Variants in UBXN6 observed in about 807,000 individuals in gnomAD.
UBXN6 encodes UBX domain-containing protein 6.
Under a neutral mutation model 51.4 loss-of-function variants are expected in UBXN6, and 44 were observed. The observed-to-expected ratio is 0.86, with a 90% CI of 0.67 to 1.10. UBXN6 has a LOEUF of 1.10. Among genes scored for constraint, UBXN6 ranks in the 50% least tolerant of loss-of-function variants. UBXN6 has a pLI of 0.00. For synonymous variants in UBXN6, 316 were observed against 263.2 expected, an observed-to-expected ratio of 1.20 and a Z score of -1.94; for missense variants, 672 against 596.1, an observed-to-expected ratio of 1.13 and a Z score of -1.32.
Position 4,447,257 on chromosome 19 carries a change from C to A in UBXN6, c.615+293G>T. 5.3e-6 allele frequency: 3 copies of A among 570,846 alleles called. No homozygotes were observed. In the South Asian group the frequency reaches 6.3e-5, roughly 12 times the overall value. The allele number at this position is 570,846 out of a possible 1,614,324, so 35.4% of individuals were successfully genotyped here. ...CCAGAAGAACCAGACATCTGGTTTG[C>A]ATGAGAAACCTCCCCAGAGTCGACA... On this transcript the variant is annotated intron_variant, in intron 6 of 10. Transcript: ENST00000301281.
At position 4,457,690 on chromosome 19, in the gene UBXN6, T is replaced by C. The variant is rs1395789764; in HGVS notation, c.8A>G (p.Lys3Arg). Residue 3 changes from lysine to arginine, a missense_variant, in exon 1 of 11, where the codon AAA becomes AGA. Lys to Arg is a conservative substitution (Grantham distance 26). Transcript: ENST00000301281. ...GTCGGCCTTGAACTCCTGAAAGAATTTCTTCATGGTGGCGGCTGGCCCGGC... is the reference window on the plus strand; with the variant it reads ...GTCGGCCTTGAACTCCTGAAAGAATCTCTTCATGGTGGCGGCTGGCCCGGC... Reference protein sequence around the residue: MKKFFQEFKADIK... With the variant: MKRFFQEFKADIK... 1 of 1,584,680 alleles carries C rather than the reference T, an allele frequency of 6.3e-7. No individual in the cohort carries two copies. The highest frequency in any genetic ancestry group is 1.1e-5 in the South Asian group (1 of 88,624).
At chr19:4,455,865 A>G (rs12459922) in intron 1 of UBXN6, among the ~76,000 whole-genome samples, 32,106 of 151,870 alleles carry the variant, frequency 0.21, 3,750 homozygotes, top group Admixed American at 0.28. Context: ...AAACCACCTG[A>G]CGGCCCCTGC....
chr19:4,447,812 G>A, intron 5 of UBXN6, 187 bp from the exon 6 acceptor site: 1 of 616,184 alleles, frequency 1.6e-6, no homozygotes, highest in Non-Finnish European at 2.9e-6. Flanking sequence ...ACCCCATGGA[G>A]CCCACCCCTG....
At chr19:4,455,072 AC>A in intron 1 of UBXN6, 1 of 327,488 alleles carries the variant, frequency 3.1e-6, no homozygotes, top group Non-Finnish European at 4.4e-6. Context: ...TCGTGGCTCC[AC>A]CCTGTTGAGC....
intron 5 of UBXN6, 36 bp downstream of exon 5, chr19:4,448,282 G>C (rs202166922): frequency 1.3e-6 from 2 of 1,553,422 alleles, no homozygotes; most frequent in East Asian, 2.4e-5. Flanking sequence ...GGATGAGCTG[G>C]AGGGGCCAGG....
Position 4,454,056 on chromosome 19 carries a change from G to T in UBXN6, c.121C>A (p.Pro41Thr). 1 of 1,579,862 alleles carries T rather than the reference G, an allele frequency of 6.3e-7. No homozygotes were observed. ...GTGGGTCCCTGGCGGGGCGGCCTGGGGGCTGGCTGGTTGGGCTTCTCTTTG... is the reference window on the plus strand; with the variant it reads ...GTGGGTCCCTGGCGGGGCGGCCTGGTGGCTGGCTGGTTGGGCTTCTCTTTG... ...AHKEKPNQPA[P>T]RPPRQGPTNE... Residue 41 changes from proline (P) to threonine (T), a missense_variant, in exon 2 of 11, where the codon CCC (proline) becomes ACC (threonine). Physicochemically the swap from Pro to Thr is conservative, Grantham distance 38. Transcript: ENST00000301281.
intron 4 of UBXN6, among the ~76,000 whole-genome samples, chr19:4,451,975 C>A (rs942070639): frequency 1.3e-5 from 2 of 150,982 alleles, no homozygotes; most frequent in Admixed American, 1.3e-4. Context: ...ATGGTGAAAC[C>A]CCATCTCTAC....
At chr19:4,451,884 T>C (rs555011583) in intron 4 of UBXN6, among the ~76,000 whole-genome samples, 1 of 152,220 alleles carries the variant, frequency 6.6e-6, no homozygotes, top group Admixed American at 6.5e-5. Context: ...GCGTGGTGGC[T>C]CACGTCTGTA....
At chr19:4,455,056 A>G in intron 1 of UBXN6, 1 of 248,172 alleles carries the variant, frequency 4.0e-6, no homozygotes, top group Non-Finnish European at 6.4e-6. Flanking sequence ...CGAAGAGCTC[A>G]TGGACTCGTG....
Position 4,445,629 on chromosome 19 carries a change from G to GT in UBXN6, c.1201-7dup. 1 of 1,612,202 alleles carries GT rather than the reference G, an allele frequency of 6.2e-7. No individual in the cohort carries two copies. The highest frequency in any genetic ancestry group is 8.5e-7 in the Non-Finnish European group (1 of 1,179,762). On this transcript the variant is annotated splice_region_variant and splice_polypyrimidine_tract_variant and intron_variant, in intron 10 of 10. Coordinates refer to ENST00000301281, the MANE Select transcript of UBXN6 (RefSeq NM_025241.3). ...GTCAGGAGGGCAGAGGGCACCTGCGGTAGGGGTAGGCCGTCACTCTGAGAC... is the reference window on the plus strand; with the variant it reads ...GTCAGGAGGGCAGAGGGCACCTGCGGTTAGGGGTAGGCCGTCACTCTGAGAC...
At chr19:4,448,035 G>A (rs1974574864) in intron 5 of UBXN6, 2 of 539,220 alleles carry the variant, frequency 3.7e-6, no homozygotes, top group South Asian at 4.3e-5. Context: ...GACCCGGGGA[G>A]TGGGGTGGGA....
intron 9 of UBXN6, 39 bp from the exon 10 acceptor site, chr19:4,446,236 C>T: frequency 2.5e-6 from 4 of 1,576,026 alleles, no homozygotes; most frequent in Non-Finnish European, 2.6e-6. Context: ...GGGCCCAGGG[C>T]CCCCTACCAA....
chr19:4,447,525 C>T (rs1320362451), intron 6 of UBXN6, 25 bp downstream of exon 6: 8 of 1,612,536 alleles, frequency 5.0e-6, no homozygotes, highest in Non-Finnish European at 6.8e-6. Context: ...CAGCCTGGGC[C>T]CCGGGGGCCA....
intron 4 of UBXN6, among the ~76,000 whole-genome samples, chr19:4,451,505 A>C (rs2145183798): frequency 6.6e-6 from 1 of 152,232 alleles, no homozygotes; most frequent in East Asian, 1.9e-4. Context: ...GGTGCACGCC[A>C]CCATGCCCAG....
intron 2 of UBXN6, 31 bp from the exon 3 acceptor site, chr19:4,453,553 G>C: frequency 6.2e-7 from 1 of 1,610,362 alleles, no homozygotes; most frequent in Non-Finnish European, 8.5e-7. Context: ...GAGAGGCAGA[G>C]ACGGGATAGT....
intron 3 of UBXN6, among the ~76,000 whole-genome samples, chr19:4,452,908 G>C (rs981185191): frequency 1.3e-5 from 2 of 152,202 alleles, no homozygotes; most frequent in African/African-American, 4.8e-5. Flanking sequence ...AGGTCCCTGC[G>C]TGCTAAAATT....
Position 4,457,728 on chromosome 19 carries a change from C to T in UBXN6, c.-31G>A, listed in dbSNP as rs1372736797. ...CGGCTGGCCCGGCGGCGGGGGGCCG[C>T]GGGGGCGGGGGGGCACGGGGCCCAG... On this transcript the variant is annotated 5_prime_UTR_variant, in exon 1 of 11. Transcript: ENST00000301281. 7 of 1,270,278 alleles carry T rather than the reference C, an allele frequency of 5.5e-6. No individual in the cohort carries two copies. The highest frequency in any genetic ancestry group is 2.7e-5 in the South Asian group (2 of 74,242). 78.7% of individuals were successfully genotyped at this position (1,270,278 alleles called of 1,614,324 possible).
chr19:4,453,671 G>A (rs973645188), intron 2 of UBXN6, 149 bp from the exon 3 acceptor site: 3 of 1,090,318 alleles, frequency 2.8e-6, no homozygotes, highest in Non-Finnish European at 3.9e-6. Flanking sequence ...GAGGTCCCCT[G>A]CAGGACTTGC....
chr19:4,447,363 G>A, intron 6 of UBXN6, 187 bp downstream of exon 6: 1 of 620,618 alleles, frequency 1.6e-6, no homozygotes, highest in Non-Finnish European at 2.9e-6. Flanking sequence ...GGGGTGACCG[G>A]TGCATAAAAG....
Sources: gnomAD v4.1 joint callset for allele counts (sites outside exome capture counted in the v4.1 genomes callset) on GRCh38, gnomAD v4.1.1 for gene constraint, MANE v1.5 for transcripts, NCBI Gene and HGNC (gene_info 2026-07-23, HGNC 2026-07-21) for gene names.